The following CPSF3 variants were observed in gnomAD, a reference collection of about 807,000 sequenced individuals.
CPSF3 encodes the protein cleavage and polyadenylation specific factor 3.
CPSF3 carries 57 observed loss-of-function variants against 84.1 expected under a neutral mutation model. The observed-to-expected ratio is 0.68, with a 90% CI of 0.55 to 0.85. CPSF3 has a LOEUF of 0.85. Ranked by LOEUF, CPSF3 falls within the 40% of genes least tolerant of loss-of-function variation. The pLI, the probability that CPSF3 is intolerant of heterozygous loss-of-function variation, is 0.00. For synonymous variants in CPSF3, 275 were observed against 278.1 expected (o/e 0.99, Z 0.11); for missense variants, 522 against 838.8 (o/e 0.62, Z 4.66).
At chr2:9,433,391 A>G (rs1172738984) in intron 5 of CPSF3, among the ~76,000 whole-genome samples, 1 of 152,226 alleles carries the variant, frequency 6.6e-6, no homozygotes, top group Non-Finnish European at 1.5e-5. Flanking sequence ...TGGAACTTTT[A>G]GACATTGAAT....
Position 9,473,009 on chromosome 2 carries a change from G to GT in CPSF3, c.2049dup (p.His684SerfsTer21). ...GAGACTGTACGAGGCCCTGACGCCAGTTCACTGAGACTGTGCCTGTATATG... is the reference window on the plus strand; with the variant it reads ...GAGACTGTACGAGGCCCTGACGCCAGTTTCACTGAGACTGTGCCTGTATATG... On this transcript the variant is annotated frameshift_variant, in exon 18 of 18. Transcript: ENST00000238112. LOFTEE classifies it high-confidence loss of function. 6.2e-7 allele frequency: 1 copy of GT among 1,611,708 alleles called. No individual in the cohort carries two copies. The highest frequency in any genetic ancestry group is 8.5e-7 in the Non-Finnish European group (1 of 1,178,038).
At chr2:9,434,031 T>C in intron 6 of CPSF3, 71 bp downstream of exon 6, 1 of 848,720 alleles carries the variant, frequency 1.2e-6, no homozygotes, top group Non-Finnish European at 1.9e-6. Context: ...AAAATAATAC[T>C]GTGATCTCAC....
intron 15 of CPSF3, among the ~76,000 whole-genome samples, chr2:9,466,252 A>G (rs4668622): frequency 1.2e-4 from 17 of 140,046 alleles, no homozygotes; most frequent in Admixed American, 1.4e-4. Context: ...ACGCACGCGC[A>G]CACACGCACA....
intron 17 of CPSF3, 64 bp downstream of exon 17, chr2:9,471,503 C>T: frequency 1.0e-6 from 1 of 979,612 alleles, no homozygotes; most frequent in Non-Finnish European, 1.7e-6. Flanking sequence ...CATAAATAAT[C>T]TGTGCTCTCA....
At chr2:9,423,924 C>T (rs1680220737) in intron 1 of CPSF3, 101 bp downstream of exon 1, 4 of 1,524,610 alleles carry the variant, frequency 2.6e-6, no homozygotes, top group Non-Finnish European at 3.5e-6. Flanking sequence ...CCACCTACCC[C>T]GGCAGCCTGC....
intron 7 of CPSF3, among the ~76,000 whole-genome samples, chr2:9,438,388 T>C (rs1680858475): frequency 6.6e-6 from 1 of 152,210 alleles, no homozygotes; most frequent in African/African-American, 2.4e-5. Context: ...CACCATCAAA[T>C]TGGGTTGCCA....
chr2:9,443,772 C>A (rs1303252693), intron 10 of CPSF3, 111 bp downstream of exon 10: 3 of 1,160,676 alleles, frequency 2.6e-6, no homozygotes, highest in Non-Finnish European at 1.2e-6. Flanking sequence ...AATGCGACAC[C>A]CCCTGAGCAG....
At chr2:9,452,095 G>A (rs1245357119) in intron 11 of CPSF3, among the ~76,000 whole-genome samples, 8 of 152,118 alleles carry the variant, frequency 5.3e-5, no homozygotes, top group South Asian at 2.1e-4. Context: ...TTGGGAGGCC[G>A]AGGTGGGCAG....
chr2:9,442,810 G>A (rs1454594303), intron 9 of CPSF3, among the ~76,000 whole-genome samples: 5 of 149,702 alleles, frequency 3.3e-5, no homozygotes, highest in African/African-American at 9.9e-5. Context: ...CGAGATTGGC[G>A]CCACTGCACT....
rs1315819687 is a variant in CPSF3, at chr2:9,443,650, C to T, written c.1231C>T (p.Pro411Ser). The T allele has an allele frequency of 6.2e-7, 1 of 1,613,916 alleles. No homozygotes were observed. Among genetic ancestry groups the T allele is most frequent in the Non-Finnish European group, 8.5e-7 (1 of 1,179,988 alleles). The change falls in exon 10 of 18, where the codon CCG becomes TCG. Residue 411 changes from proline (P) to serine (S), a missense_variant. Physicochemically the swap from Pro to Ser is moderately conservative, Grantham distance 74 (BLOSUM62 -1). This residue lies in a region of CPSF3 where 329 missense variants were observed against 607.2 expected (regional missense o/e 0.54). Transcript: ENST00000238112. Reference sequence around the variant, plus strand: ...CAGTGAATTTATTCGTGCTTTGAAACCGCCTCATGTGGTTAGTCTATGAAT... The same window carrying T: ...CAGTGAATTTATTCGTGCTTTGAAATCGCCTCATGTGGTTAGTCTATGAAT... Reference protein sequence around the residue: ...QTSEFIRALKPPHVILVHGEQ... With the variant: ...QTSEFIRALKSPHVILVHGEQ...
chr2:9,428,405 TATA>T (rs1402546991), intron 1 of CPSF3, among the ~76,000 whole-genome samples: 2 of 152,224 alleles, frequency 1.3e-5, no homozygotes, highest in African/African-American at 4.8e-5. Flanking sequence ...AGTATTATTA[TATA>T]ATCTGCGTAA....
At chr2:9,438,808 C>T (rs1680872888) in intron 7 of CPSF3, among the ~76,000 whole-genome samples, 1 of 152,120 alleles carries the variant, frequency 6.6e-6, no homozygotes, top group Non-Finnish European at 1.5e-5. Context: ...GCAATTCTAC[C>T]GTCTGTTCTT....
At chr2:9,458,628 C>T (rs1386698002) in intron 14 of CPSF3, among the ~76,000 whole-genome samples, 2 of 151,482 alleles carry the variant, frequency 1.3e-5, no homozygotes, top group African/African-American at 4.9e-5. Flanking sequence ...CCCAGGAGTT[C>T]AAGACCAGCC....
chr2:9,458,845 G>T (rs957922877), intron 14 of CPSF3, among the ~76,000 whole-genome samples: 4 of 152,154 alleles, frequency 2.6e-5, no homozygotes, highest in Non-Finnish European at 5.9e-5. Context: ...GGGCGCGGTG[G>T]CTCATGCCTG....
chr2:9,469,298 G>C (rs1355677582), intron 16 of CPSF3, among the ~76,000 whole-genome samples: 1 of 152,122 alleles, frequency 6.6e-6, no homozygotes, highest in African/African-American at 2.4e-5. Flanking sequence ...TTTTACCTTT[G>C]ATTTCAAGGA....
Position 9,467,691 on chromosome 2 carries a change from C to CA in CPSF3, c.1787-16_1787-15insA, listed in dbSNP as rs755784387. The CA allele has an allele frequency of 7.1e-6, 10 of 1,417,008 alleles. No individual in the cohort carries two copies. Among genetic ancestry groups the CA allele is most frequent in the Non-Finnish European group, 9.6e-6 (10 of 1,042,260 alleles). 87.8% of individuals were successfully genotyped at this position (1,417,008 alleles called of 1,614,324 possible). A position where few individuals can be genotyped will look rare whatever the true frequency, so the allele number is the denominator to read the frequency against. ...AATTTAGAAACTGAACTCTCTGTCGCTTTTTTTTTTCCCAGGTGCAGTACA... is the reference window on the plus strand; with the variant it reads ...AATTTAGAAACTGAACTCTCTGTCGCATTTTTTTTTTCCCAGGTGCAGTACA... On this transcript the variant is annotated splice_polypyrimidine_tract_variant and intron_variant, in intron 15 of 17. Coordinates refer to ENST00000238112, the MANE Select transcript of CPSF3 (RefSeq NM_016207.4).
At chr2:9,453,826 G>C (rs942227729) in intron 12 of CPSF3, among the ~76,000 whole-genome samples, 7 of 152,088 alleles carry the variant, frequency 4.6e-5, no homozygotes, top group Non-Finnish European at 1.0e-4. Flanking sequence ...GGGAGGTGGA[G>C]GTTGCAGTGA....
chr2:9,426,957 G>A (rs1283511773), intron 1 of CPSF3, among the ~76,000 whole-genome samples: 2 of 151,974 alleles, frequency 1.3e-5, no homozygotes, highest in Admixed American at 6.6e-5. Context: ...AGAGTATAGC[G>A]AATTGAGGAG....
intron 15 of CPSF3, among the ~76,000 whole-genome samples, chr2:9,467,485 T>C (rs905140367): frequency 3.3e-5 from 5 of 152,250 alleles, no homozygotes; most frequent in African/African-American, 1.2e-4. Flanking sequence ...AAAGATGTAA[T>C]AGAAAATTTT....
Sources: allele counts gnomAD v4.1 joint callset (sites outside exome capture counted in the v4.1 genomes callset), GRCh38; gene constraint gnomAD v4.1.1; regional missense constraint gnomAD v4.1.1; transcripts MANE v1.5; gene names NCBI Gene and HGNC (gene_info 2026-07-23, HGNC 2026-07-21).